Variants in C17orf114 observed in about 807,000 individuals in gnomAD.
C17orf114 encodes chromosome 17 open reading frame 114.
chr17:4,802,421 C>T (rs1392239125), upstream of C17orf114: 4 of 397,416 alleles, frequency 1.0e-5, no homozygotes, highest in Non-Finnish European at 1.8e-5. Flanking sequence ...TACCACTTAG[C>T]CTCAGACCGC....
upstream of C17orf114, chr17:4,806,726 G>A (rs928139797): frequency 2.0e-5 from 3 of 151,960 alleles, no homozygotes; most frequent in African/African-American, 7.2e-5. Flanking sequence ...GGCTCGCAGC[G>A]GGTCCGGGAG....
chr17:4,804,128 T>A (rs540137541), upstream of C17orf114, among the ~76,000 whole-genome samples: 2 of 152,090 alleles, frequency 1.3e-5, no homozygotes, highest in Non-Finnish European at 2.9e-5. Flanking sequence ...GCTGGGAGCA[T>A]CTAGTCAAGA....
upstream of C17orf114, among the ~76,000 whole-genome samples, chr17:4,805,168 C>T (rs1467502042): frequency 2.0e-5 from 3 of 152,140 alleles, no homozygotes; most frequent in Admixed American, 6.6e-5. Context: ...CGGTGGCTCA[C>T]GCCTGTAATC....
chr17:4,804,880 C>T (rs746880428), upstream of C17orf114, among the ~76,000 whole-genome samples: 2 of 151,980 alleles, frequency 1.3e-5, no homozygotes, highest in African/African-American at 4.8e-5. Context: ...CACCGCGCCC[C>T]GCCTTCTTTT....
chr17:4,802,938 G>A (rs1027814397), upstream of C17orf114, among the ~76,000 whole-genome samples: 3 of 151,964 alleles, frequency 2.0e-5, no homozygotes, highest in African/African-American at 7.2e-5. Flanking sequence ...TTTTTTGGGG[G>A]ACAGAGTCTC....
At chr17:4,802,932 T>C (rs1035675731), upstream of C17orf114, among the ~76,000 whole-genome samples, 1 of 152,160 alleles carries the variant, frequency 6.6e-6, no homozygotes, top group African/African-American at 2.4e-5. Context: ...GATCTTTTTT[T>C]TGGGGGACAG....
At chr17:4,801,966 T>C (rs542745353) in intron 1 of C17orf114, among the ~76,000 whole-genome samples, 16 of 151,988 alleles carry the variant, frequency 1.1e-4, no homozygotes, top group African/African-American at 3.9e-4. Context: ...CCTGACCTCG[T>C]GATCTACCCA....
At chr17:4,804,819 C>A (rs56026217), upstream of C17orf114, among the ~76,000 whole-genome samples, 2,637 of 151,640 alleles carry the variant, frequency 0.017, 69 homozygotes, top group African/African-American at 0.058. Context: ...CTCCTGACCT[C>A]GTGATCTGCC....
chr17:4,804,595 GTTTC>G (rs1463899279), upstream of C17orf114, among the ~76,000 whole-genome samples: 9 of 146,052 alleles, frequency 6.2e-5, no homozygotes, highest in East Asian at 6.5e-4. Flanking sequence ...ACACAGAAAT[GTTTC>G]TTTCTTTTTT....
chr17:4,802,891 ATGT>A (rs1905546372), upstream of C17orf114, among the ~76,000 whole-genome samples: 1 of 152,130 alleles, frequency 6.6e-6, no homozygotes, highest in Admixed American at 6.6e-5. Flanking sequence ...AGACTTTTAC[ATGT>A]TGTCTCATTT....
chr17:4,801,597 G>C (rs1905509541), intron 1 of C17orf114, 142 bp from the exon 2 acceptor site: 1 of 397,606 alleles, frequency 2.5e-6, no homozygotes, highest in Non-Finnish European at 4.4e-6. Flanking sequence ...CAGCAGCAGG[G>C]GGAGGGAGAG....
chr17:4,803,377 T>C (rs1258747316), upstream of C17orf114, among the ~76,000 whole-genome samples: 2 of 151,614 alleles, frequency 1.3e-5, no homozygotes, highest in Non-Finnish European at 2.9e-5. Flanking sequence ...AACCCTCACC[T>C]TGAGTCAGTC....
chr17:4,803,390 AC>A (rs1375158732), upstream of C17orf114, among the ~76,000 whole-genome samples: 2 of 136,702 alleles, frequency 1.5e-5, no homozygotes, highest in Non-Finnish European at 3.2e-5. Flanking sequence ...AGTCAGTCTG[AC>A]CCCAAAAATC....
upstream of C17orf114, among the ~76,000 whole-genome samples, chr17:4,805,188 T>C (rs909754768): frequency 6.6e-6 from 1 of 150,632 alleles, no homozygotes; most frequent in South Asian, 2.1e-4. Flanking sequence ...CCCAGCACTT[T>C]AGGCCAAGGA....
chr17:4,805,422 C>CA (rs111565698), upstream of C17orf114, among the ~76,000 whole-genome samples: 16,305 of 135,828 alleles, frequency 0.12, 1,268 homozygotes, highest in African/African-American at 0.24. Context: ...AACTCTGTCT[C>CA]AAAAAAAAAA....
chr17:4,802,957 G>T (rs114448461), upstream of C17orf114, among the ~76,000 whole-genome samples: 2 of 152,016 alleles, frequency 1.3e-5, no homozygotes, highest in African/African-American at 4.8e-5. Context: ...TCACTCTCTC[G>T]CCCAGGGTGG....
upstream of C17orf114, among the ~76,000 whole-genome samples, chr17:4,804,268 G>A (rs1280296614): frequency 4.1e-5 from 6 of 147,570 alleles, no homozygotes; most frequent in African/African-American, 1.5e-4. Context: ...GCAGTGGCAC[G>A]ATCTCAGCTC....
intron 1 of C17orf114, 63 bp downstream of exon 1, chr17:4,802,184 C>A: frequency 2.5e-6 from 1 of 399,060 alleles, no homozygotes; most frequent in South Asian, 1.3e-4. Flanking sequence ...ATTTCTCTCC[C>A]TGCCATGCAG....
chr17:4,803,479 C>T (rs1905566460), upstream of C17orf114, among the ~76,000 whole-genome samples: 2 of 121,002 alleles, frequency 1.7e-5, no homozygotes, highest in Admixed American at 2.4e-4. Flanking sequence ...GGCTGGAATG[C>T]AGTGGCGCGG....
Sources: allele counts gnomAD v4.1 joint callset (sites outside exome capture counted in the v4.1 genomes callset), GRCh38; gene constraint gnomAD v4.1.1; transcripts MANE v1.5; gene names NCBI Gene and HGNC (gene_info 2026-07-23, HGNC 2026-07-21).